The following VEPH1 variants were observed in gnomAD, a reference collection of about 807,000 sequenced individuals.
The protein encoded by VEPH1 is ventricular zone expressed PH domain containing 1, also known as ventricular zone-expressed PH domain-containing protein homolog 1.
Under a neutral mutation model 85.2 loss-of-function variants are expected in VEPH1, and 80 were observed. The observed-to-expected ratio is 0.94, with a 90% CI of 0.78 to 1.13. VEPH1 has a LOEUF of 1.13. Ranked by LOEUF, VEPH1 falls within the 50% of genes most tolerant of loss-of-function variation. The pLI is 0.00. For missense variants in VEPH1, 955 were observed against 980.5 expected, an observed-to-expected ratio of 0.97 and a Z score of 0.35; for synonymous variants, 297 against 348.0, an observed-to-expected ratio of 0.85 and a Z score of 1.63.
intron 4 of VEPH1, among the ~76,000 whole-genome samples, chr3:157,446,721 T>C (rs920804864): frequency 1.5e-4 from 23 of 152,200 alleles, no homozygotes; most frequent in Admixed American, 8.5e-4. Context: ...TTAAGGTAAT[T>C]GTATATGTTC....
chr3:157,313,447 C>G (rs374831244), intron 11 of VEPH1, among the ~76,000 whole-genome samples, 174 bp downstream of exon 11: 1 of 152,114 alleles, frequency 6.6e-6, no homozygotes. Context: ...TGGTACCACT[C>G]TATTCTGAAT....
chr3:157,392,936 T>C (rs1466098955), intron 6 of VEPH1, among the ~76,000 whole-genome samples: 1 of 152,208 alleles, frequency 6.6e-6, no homozygotes, highest in Non-Finnish European at 1.5e-5. Flanking sequence ...ATTCTATTTC[T>C]CAGGCTCCTT....
chr3:157,463,641 T>C (rs1221428717), intron 3 of VEPH1, among the ~76,000 whole-genome samples: 1 of 152,198 alleles, frequency 6.6e-6, no homozygotes. Context: ...TCAGGGCACG[T>C]GCTTGGTTGG....
chr3:157,301,533 T>G lies in VEPH1; in HGVS notation c.2010+12088A>C, dbSNP rs143619595. On this transcript the variant is annotated intron_variant, in intron 11 of 13. Transcript: ENST00000362010. Reference sequence around the variant, plus strand: ...AAACTGCTTAAAACAGCTCTCTACATATGCTATGTTTCCTTCTTTACTCGT... The same window carrying G: ...AAACTGCTTAAAACAGCTCTCTACAGATGCTATGTTTCCTTCTTTACTCGT... 5.3e-5 allele frequency among the ~76,000 whole-genome samples: 8 copies of G among 152,318 alleles called. No homozygotes were observed. In the East Asian group the frequency reaches 1.5e-3, roughly 29 times the overall value.
chr3:157,330,599 G>A (rs1026192394), intron 9 of VEPH1, among the ~76,000 whole-genome samples: 1 of 152,208 alleles, frequency 6.6e-6, no homozygotes, highest in African/African-American at 2.4e-5. Flanking sequence ...AAACAATGAA[G>A]GGTCTTTCTC....
At chr3:157,376,201 A>T (rs1273799133) in intron 7 of VEPH1, among the ~76,000 whole-genome samples, 1 of 152,056 alleles carries the variant, frequency 6.6e-6, no homozygotes, top group Non-Finnish European at 1.5e-5. Context: ...CAAAGTTTCC[A>T]TCCCCAACTG....
At chr3:157,437,173 C>T in intron 4 of VEPH1, 1 of 1,407,042 alleles carries the variant, frequency 7.1e-7, no homozygotes, top group Non-Finnish European at 9.9e-7. Flanking sequence ...AAATTTATAG[C>T]TTGTTATGCA....
intron 11 of VEPH1, among the ~76,000 whole-genome samples, chr3:157,293,112 C>T (rs1232434987): frequency 1.3e-5 from 2 of 152,018 alleles, no homozygotes; most frequent in African/African-American, 4.8e-5. Flanking sequence ...TGCAATACGG[C>T]AAGAAGAGAT....
chr3:157,289,246 A>G (rs896227094), intron 11 of VEPH1, among the ~76,000 whole-genome samples: 1 of 152,248 alleles, frequency 6.6e-6, no homozygotes, highest in South Asian at 2.1e-4. Context: ...CAAACAAAGT[A>G]CTTAAAATAA....
intron 4 of VEPH1, among the ~76,000 whole-genome samples, chr3:157,448,826 A>G (rs1298959816): frequency 6.6e-6 from 1 of 152,162 alleles, no homozygotes; most frequent in Non-Finnish European, 1.5e-5. Flanking sequence ...TCCCCACCCA[A>G]ATCTCATCTT....
chr3:157,341,781 T>C (rs1723589779), intron 9 of VEPH1, among the ~76,000 whole-genome samples: 1 of 151,902 alleles, frequency 6.6e-6, no homozygotes, highest in South Asian at 2.1e-4. Flanking sequence ...GAGAGAAAGG[T>C]CGGGTTACCC....
chr3:157,324,850 C>T (rs1281296547), intron 9 of VEPH1, among the ~76,000 whole-genome samples: 1 of 152,052 alleles, frequency 6.6e-6, no homozygotes, highest in African/African-American at 2.4e-5. Flanking sequence ...TGGGCATATA[C>T]CCAGTAATGG....
intron 9 of VEPH1, among the ~76,000 whole-genome samples, chr3:157,356,245 A>C (rs1272972926): frequency 4.0e-5 from 6 of 151,270 alleles, no homozygotes; most frequent in South Asian, 2.1e-4. Context: ...CAACAAAAAA[A>C]CAAAACCCTG....
intron 4 of VEPH1, chr3:157,436,937 C>T: frequency 6.2e-7 from 1 of 1,613,410 alleles, no homozygotes. Flanking sequence ...TCCAGCAATG[C>T]ATCTCCTTGC....
At chr3:157,500,242 T>C (rs1471365776) in intron 1 of VEPH1, among the ~76,000 whole-genome samples, 1 of 152,232 alleles carries the variant, frequency 6.6e-6, no homozygotes, top group East Asian at 1.9e-4. Flanking sequence ...CAGTTAACAG[T>C]GCACTTTAAA....
intron 6 of VEPH1, among the ~76,000 whole-genome samples, chr3:157,404,785 G>C (rs1577577587): frequency 6.6e-6 from 1 of 152,176 alleles, no homozygotes; most frequent in South Asian, 2.1e-4. Flanking sequence ...AATACTGGCT[G>C]TTGGAAATAG....
At chr3:157,269,655 T>TTC (rs1714273135) in intron 12 of VEPH1, among the ~76,000 whole-genome samples, 3 of 149,060 alleles carry the variant, frequency 2.0e-5, no homozygotes, top group Admixed American at 6.7e-5. Context: ...TTTTTTTTTT[T>TTC]TTTTTGCTAT....
At chr3:157,467,450 T>C (rs1015063543) in intron 3 of VEPH1, among the ~76,000 whole-genome samples, 5 of 152,142 alleles carry the variant, frequency 3.3e-5, no homozygotes, top group Non-Finnish European at 5.9e-5. Flanking sequence ...TTTCTACACG[T>C]TCCCCACAGG....
chr3:157,424,383 C>T lies in VEPH1; in HGVS notation c.696+3939G>A, dbSNP rs895660960. ...AATGGACTAATACAGTAAATTGGTA[C>T]CAGTAGAGTGGGGCGTTGCTGAAAA... is the stretch of plus-strand genomic sequence containing the variant. On this transcript the variant is annotated intron_variant, in intron 5 of 13. Coordinates refer to ENST00000362010, the MANE Select transcript of VEPH1 (RefSeq NM_001167912.2). Among the ~76,000 whole-genome samples the T allele has an allele frequency of 1.6e-4, 24 of 152,066 alleles. 1 individual carries two copies. Among genetic ancestry groups the T allele is most frequent in the Admixed American group, 1.4e-3 (22 of 15,258 alleles).
Sources: allele counts gnomAD v4.1 joint callset (sites outside exome capture counted in the v4.1 genomes callset), GRCh38; gene constraint gnomAD v4.1.1; transcripts MANE v1.5; gene names NCBI Gene and HGNC (gene_info 2026-07-23, HGNC 2026-07-21).